Variants in CNTNAP5 observed in about 807,000 individuals in gnomAD.
The protein encoded by CNTNAP5 is contactin associated protein family member 5.
CNTNAP5 carries 72 observed loss-of-function variants against 150.2 expected under a neutral mutation model. The ratio of observed to expected loss-of-function variants is 0.48; its 90% CI spans 0.40 to 0.58. The LOEUF is 0.58. CNTNAP5 is among the 20% of genes least tolerant of loss of function. The pLI is 0.00. For synonymous variants in CNTNAP5, 672 were observed against 619.8 expected, an observed-to-expected ratio of 1.08 and a Z score of -1.25; for missense variants, 1,636 against 1,626.2, an observed-to-expected ratio of 1.01 and a Z score of -0.10.
At chr2:124,843,236 T>G (rs547422495) in intron 19 of CNTNAP5, among the ~76,000 whole-genome samples, 2 of 152,156 alleles carry the variant, frequency 1.3e-5, no homozygotes, top group Non-Finnish European at 2.9e-5. Context: ...GTAAATATCA[T>G]TAATTTGTTC....
At chr2:124,047,137 G>C (rs185655548) in intron 1 of CNTNAP5, among the ~76,000 whole-genome samples, 1 of 152,054 alleles carries the variant, frequency 6.6e-6, no homozygotes. Context: ...ACTTACTACA[G>C]ACTAGAAACA....
chr2:124,888,066 CAGT>C (rs2104745026), intron 21 of CNTNAP5, among the ~76,000 whole-genome samples: 1 of 152,144 alleles, frequency 6.6e-6, no homozygotes, highest in Admixed American at 6.5e-5. Context: ...CCTCATCACC[CAGT>C]ATTGAGTATA....
chr2:124,711,100 A>T (rs1211849069), intron 13 of CNTNAP5, among the ~76,000 whole-genome samples: 1 of 151,766 alleles, frequency 6.6e-6, no homozygotes, highest in African/African-American at 2.4e-5. Context: ...GTGAAACCCC[A>T]TCTCTACTCA....
intron 17 of CNTNAP5, among the ~76,000 whole-genome samples, chr2:124,788,693 C>T (rs1681652840): frequency 6.6e-6 from 1 of 151,584 alleles, no homozygotes; most frequent in Admixed American, 6.6e-5. Context: ...CTCCGCCTCC[C>T]CGGTTCAAGC....
chr2:124,478,904 C>G (rs978642169), intron 7 of CNTNAP5, among the ~76,000 whole-genome samples: 3 of 152,184 alleles, frequency 2.0e-5, no homozygotes, highest in African/African-American at 7.2e-5. Context: ...CTTTGCCTAA[C>G]CTAACGTATG....
intron 1 of CNTNAP5, among the ~76,000 whole-genome samples, chr2:124,200,842 A>G (rs775766225): frequency 5.3e-5 from 8 of 152,104 alleles, no homozygotes; most frequent in Non-Finnish European, 7.4e-5. Flanking sequence ...CCAAATACTG[A>G]CTGAAACCTG....
At chr2:124,730,467 A>G (rs1483742921) in intron 13 of CNTNAP5, among the ~76,000 whole-genome samples, 1 of 152,036 alleles carries the variant, frequency 6.6e-6, no homozygotes, top group Admixed American at 6.6e-5. Flanking sequence ...CCTGCCCTTA[A>G]GTAGATTACA....
At chr2:124,684,250 T>C (rs1049394041) in intron 13 of CNTNAP5, among the ~76,000 whole-genome samples, 31 of 152,224 alleles carry the variant, frequency 2.0e-4, no homozygotes, top group East Asian at 5.8e-4. Context: ...TAACATGCAG[T>C]CCTGTCAATA....
chr2:124,529,693 G>A (rs926297882), intron 10 of CNTNAP5, among the ~76,000 whole-genome samples: 1 of 152,176 alleles, frequency 6.6e-6, no homozygotes, highest in African/African-American at 2.4e-5. Flanking sequence ...TTGCCTTCAA[G>A]GAGCTTGCTA....
intron 8 of CNTNAP5, among the ~76,000 whole-genome samples, chr2:124,505,685 CA>C (rs879307014): frequency 2.6e-5 from 4 of 152,110 alleles, no homozygotes; most frequent in African/African-American, 4.8e-5. Flanking sequence ...CAACATGAAA[CA>C]GTGGAAGTCT....
chr2:124,872,077 A>G (rs988086086), intron 21 of CNTNAP5, among the ~76,000 whole-genome samples: 30 of 152,066 alleles, frequency 2.0e-4, no homozygotes, highest in African/African-American at 6.5e-4. Context: ...CTTTAGCATC[A>G]CATTCACTAG....
chr2:124,140,297 G>T (rs1293718554), intron 1 of CNTNAP5, among the ~76,000 whole-genome samples: 1 of 151,750 alleles, frequency 6.6e-6, no homozygotes, highest in East Asian at 2.0e-4. Context: ...ACAGCTCAAG[G>T]AGGCCTGCCT....
At chr2:124,477,412 A>C (rs557279680) in intron 7 of CNTNAP5, among the ~76,000 whole-genome samples, 18 of 152,228 alleles carry the variant, frequency 1.2e-4, no homozygotes, top group African/African-American at 4.1e-4. Context: ...CTCATGGGGA[A>C]TCACACTTGG....
chr2:124,641,240 C>T (rs1362429380), intron 12 of CNTNAP5, among the ~76,000 whole-genome samples: 1 of 151,732 alleles, frequency 6.6e-6, no homozygotes, highest in African/African-American at 2.4e-5. Flanking sequence ...GACAACACTG[C>T]ACAATGAGTT....
intron 11 of CNTNAP5, among the ~76,000 whole-genome samples, chr2:124,575,199 A>G (rs1696254036): frequency 6.6e-6 from 1 of 152,210 alleles, no homozygotes; most frequent in African/African-American, 2.4e-5. Context: ...AGCAGGACAC[A>G]AGCCTGAATA....
At chr2:124,663,276 C>T (rs369831818) in intron 13 of CNTNAP5, among the ~76,000 whole-genome samples, 2 of 152,172 alleles carry the variant, frequency 1.3e-5, no homozygotes, top group South Asian at 2.1e-4. Context: ...GTTAGACATT[C>T]GCTTGAACTG....
intron 3 of CNTNAP5, among the ~76,000 whole-genome samples, chr2:124,408,076 G>C (rs940210709): frequency 1.3e-5 from 2 of 151,124 alleles, no homozygotes; most frequent in Non-Finnish European, 3.0e-5. Flanking sequence ...CTTGGGAAGC[G>C]CAAGGGGTCA....
chr2:124,317,682 T>G (rs1689000603), intron 3 of CNTNAP5, among the ~76,000 whole-genome samples: 1 of 152,208 alleles, frequency 6.6e-6, no homozygotes, highest in Non-Finnish European at 1.5e-5. Context: ...AGGCAATTAT[T>G]AAAGTCTAAG....
intron 6 of CNTNAP5, among the ~76,000 whole-genome samples, chr2:124,463,974 C>T (rs1249356183): frequency 6.6e-6 from 1 of 152,044 alleles, no homozygotes; most frequent in African/African-American, 2.4e-5. Flanking sequence ...TCAGAGTACC[C>T]AACTCAAAGG....
Sources: gnomAD v4.1 joint callset for allele counts (sites outside exome capture counted in the v4.1 genomes callset) on GRCh38, gnomAD v4.1.1 for gene constraint, MANE v1.5 for transcripts, NCBI Gene and HGNC (gene_info 2026-07-23, HGNC 2026-07-21) for gene names.